PRDM1: variants seen among roughly 807,000 people sequenced by gnomAD.
PRDM1 encodes the protein PR/SET domain 1.
Under a neutral mutation model 62.8 loss-of-function variants are expected in PRDM1, and 13 were observed. That is an observed-to-expected ratio of 0.21 (90% CI 0.13 to 0.33). PRDM1 has a LOEUF of 0.33. Among genes scored for constraint, PRDM1 ranks in the 10% least tolerant of loss-of-function variants. PRDM1 has a pLI of 1.00. For missense variants in PRDM1, 895 were observed against 1,058.8 expected, an observed-to-expected ratio of 0.85 and a Z score of 2.15; for synonymous variants, 396 against 417.6, an observed-to-expected ratio of 0.95 and a Z score of 0.63.
intron 1 of PRDM1, among the ~76,000 whole-genome samples, chr6:106,060,294 A>G (rs1378450398): frequency 1.3e-5 from 2 of 152,196 alleles, no homozygotes; most frequent in Non-Finnish European, 2.9e-5. Context: ...CAAGAAGGAG[A>G]GCACGATTGT....
At chr6:106,050,072 C>T (rs917545913) in intron 1 of PRDM1, among the ~76,000 whole-genome samples, 11 of 152,148 alleles carry the variant, frequency 7.2e-5, no homozygotes, top group African/African-American at 2.7e-4. Flanking sequence ...AACTCCAATG[C>T]TGGTGTGATG....
chr6:106,010,919 G>T (rs9373826), intron 1 of PRDM1, among the ~76,000 whole-genome samples: 138,474 of 152,100 alleles, frequency 0.91, 63,155 homozygotes, highest in African/African-American at 0.96. Context: ...AGGACTACAG[G>T]TTTAAAAGAC....
intron 1 of PRDM1, among the ~76,000 whole-genome samples, chr6:106,039,017 A>G (rs1208850725): frequency 6.6e-6 from 1 of 152,212 alleles, no homozygotes; most frequent in East Asian, 1.9e-4. Context: ...TTTGAATAGA[A>G]CTTGTAAATT....
intron 1 of PRDM1, among the ~76,000 whole-genome samples, chr6:106,005,592 G>A (rs990750090): frequency 6.6e-6 from 1 of 152,138 alleles, no homozygotes; most frequent in South Asian, 2.1e-4. Context: ...GAAACTTTGG[G>A]TTTATAAAGC....
chr6:106,013,336 T>C (rs1458676302), intron 1 of PRDM1, among the ~76,000 whole-genome samples: 3 of 151,320 alleles, frequency 2.0e-5, no homozygotes, highest in Admixed American at 2.0e-4. Flanking sequence ...TTTTCTTTTT[T>C]TTTTTTTTTG....
intron 1 of PRDM1, among the ~76,000 whole-genome samples, chr6:106,000,442 C>T (rs909100999): frequency 1.3e-5 from 2 of 152,080 alleles, no homozygotes; most frequent in Non-Finnish European, 2.9e-5. Context: ...CTGGGCAACA[C>T]AGTGAGACTC....
intron 1 of PRDM1, among the ~76,000 whole-genome samples, chr6:106,068,509 T>G (rs184619525): frequency 6.6e-6 from 1 of 152,336 alleles, no homozygotes; most frequent in African/African-American, 2.4e-5. Flanking sequence ...TTATAGTATC[T>G]TGTAAACCAT....
intron 1 of PRDM1, among the ~76,000 whole-genome samples, chr6:106,061,926 A>G (rs1322772624): frequency 2.6e-5 from 4 of 152,196 alleles, no homozygotes; most frequent in Admixed American, 6.5e-5. Flanking sequence ...TATATTCAGG[A>G]GAGGATCTAT....
intron 1 of PRDM1, among the ~76,000 whole-genome samples, chr6:106,068,425 A>G (rs567193231): frequency 6.6e-6 from 1 of 152,324 alleles, no homozygotes; most frequent in East Asian, 1.9e-4. Flanking sequence ...AACTGTTCTC[A>G]GCTTCTTGTG....
Position 106,107,218 on chromosome 6 carries a change from A to C in PRDM1, c.2210A>C (p.Asp737Ala). 6.2e-7 allele frequency: 1 copy of C among 1,614,234 alleles called. No individual in the cohort carries two copies. Among genetic ancestry groups the C allele is most frequent in the Non-Finnish European group, 8.5e-7 (1 of 1,180,044 alleles). Reference sequence around the variant, plus strand: ...GAAATCGAGAAGTTTGACATCAGTGACAATGCTGACCGGCTCGAGGACGTG... The same window carrying C: ...GAAATCGAGAAGTTTGACATCAGTGCCAATGCTGACCGGCTCGAGGACGTG... ...NEEIEKFDIS[D>A]NADRLEDVED... The change falls in exon 7 of 7, where the codon GAC becomes GCC. Residue 737 changes from aspartate to alanine, a missense_variant. Physicochemically the swap from Asp to Ala is moderately radical, Grantham distance 126. Around this residue, in one of 4 missense-constraint regions of PRDM1, gnomAD observed 164 missense variants for 179.9 expected, o/e 0.91. Transcript: ENST00000369096.
At position 106,105,173 on chromosome 6, in the gene PRDM1, C is replaced by T; in HGVS notation, c.1013C>T (p.Ser338Phe). Residue 338 changes from serine (S) to phenylalanine (F), a missense_variant, in exon 5 of 7, where the codon TCT becomes TTT. Physicochemically the swap from Ser to Phe is radical, Grantham distance 155. This residue lies in a region of PRDM1 where 444 missense variants were observed against 422.7 expected (regional missense o/e 1.05). Transcript: ENST00000369096. ...PIPSSTTPSPSARSSPDQSLK... is the reference protein window; with the variant it reads ...PIPSSTTPSPFARSSPDQSLK... The stretch of plus-strand genomic sequence containing the variant: ...CCATCCTCCACCACTCCAAGCCCCT[C>T]TGCAAGAAGCAGCCCCGACCAAAGC... The T allele has an allele frequency of 6.2e-7, 1 of 1,613,298 alleles. No individual in the cohort carries two copies. Among genetic ancestry groups the T allele is most frequent in the Non-Finnish European group, 8.5e-7 (1 of 1,179,744 alleles).
intron 1 of PRDM1, among the ~76,000 whole-genome samples, chr6:106,014,686 A>G (rs1772597789): frequency 6.6e-6 from 1 of 150,698 alleles, no homozygotes; most frequent in African/African-American, 2.4e-5. Flanking sequence ...TTTATTTAAT[A>G]TTATAATACA....
rs144908037 is a variant in PRDM1 at position 106,035,661 on chromosome 6, G to A, written c.-67+42022G>A. On this transcript the variant is annotated intron_variant, in intron 1 of 6. Coordinates refer to the PRDM1 transcript ENST00000652320. Reference sequence around the variant, plus strand: ...AAAATTTAAAAAAAAAGACTATTTTGTCTAAAATTAGTATACCTACCCTGC... The same window carrying A: ...AAAATTTAAAAAAAAAGACTATTTTATCTAAAATTAGTATACCTACCCTGC... Among the ~76,000 whole-genome samples, 235 of 152,062 alleles carry A rather than the reference G, an allele frequency of 1.5e-3. 2 individuals carry two copies. In the Middle Eastern group the frequency reaches 0.017, roughly 11 times the overall value.
intron 1 of PRDM1, among the ~76,000 whole-genome samples, chr6:106,053,918 A>T (rs1041437519): frequency 1.3e-5 from 2 of 149,864 alleles, no homozygotes; most frequent in African/African-American, 4.9e-5. Flanking sequence ...GAGTGGTGAG[A>T]TCTTTTGAAT....
rs546376613 is a variant in PRDM1 at position 106,096,655 on chromosome 6, T to A, written c.411+921T>A. The stretch of plus-strand genomic sequence containing the variant: ...CAAGATGATAAGCTTTCCTATAGCA[T>A]CCAACCAAAAGATCTAGCCAGTACA... On this transcript the variant is annotated intron_variant, in intron 3 of 6. Transcript: ENST00000369096. Among the ~76,000 whole-genome samples, 49 of 152,338 alleles carry A rather than the reference T, an allele frequency of 3.2e-4. 1 individual carries two copies. Among genetic ancestry groups the A allele is most frequent in the Non-Finnish European group, 7.3e-5 (5 of 68,028 alleles).
rs1408530771 is a variant in PRDM1 at position 106,086,542 on chromosome 6, G to C, written c.-12G>C. The C allele has an allele frequency of 1.2e-5, 19 of 1,551,802 alleles. No individual in the cohort carries two copies. The highest frequency in any genetic ancestry group is 1.4e-5 in the Non-Finnish European group (16 of 1,146,664). ...ATGTGGACTGGGTAGAGATGAACGA[G>C]ACTTTTCTCAGATGTTGGATATTTG... On this transcript the variant is annotated 5_prime_UTR_variant, in exon 1 of 7. Transcript: ENST00000369096.
chr6:106,092,130 G>C (rs1436888785), intron 2 of PRDM1, among the ~76,000 whole-genome samples: 1 of 61,372 alleles, frequency 1.6e-5, no homozygotes, highest in Non-Finnish European at 3.5e-5. Context: ...GAAGGAATTT[G>C]AAAAAAAAAA....
Position 106,108,320 on chromosome 6 carries a change from C to A in PRDM1, c.*834C>A, listed in dbSNP as rs1050327876. The A allele has an allele frequency of 8.6e-6, 2 of 233,680 alleles. No homozygotes were observed. The highest frequency in any genetic ancestry group is 1.7e-5 in the Non-Finnish European group (2 of 117,996). The allele number at this position is 233,680 out of a possible 1,614,324, so 14.5% of individuals were successfully genotyped here. A position where few individuals can be genotyped will look rare whatever the true frequency, so the allele number is the denominator to read the frequency against. On this transcript the variant is annotated 3_prime_UTR_variant, in exon 7 of 7. Transcript: ENST00000369096. Reference sequence around the variant, plus strand: ...CAAAAGAGCAGAATCCTCCCACCGCCCTGCCCTCCCCACCGAGTCCTGTGG... The same window carrying A: ...CAAAAGAGCAGAATCCTCCCACCGCACTGCCCTCCCCACCGAGTCCTGTGG...
intron 1 of PRDM1, among the ~76,000 whole-genome samples, chr6:106,060,119 C>T (rs954216116): frequency 6.6e-6 from 1 of 152,068 alleles, no homozygotes; most frequent in Non-Finnish European, 1.5e-5. Context: ...TCAATCCAGA[C>T]AGTTATTTAA....
Sources: gnomAD v4.1 joint callset for allele counts (sites outside exome capture counted in the v4.1 genomes callset) on GRCh38, gnomAD v4.1.1 for gene constraint, gnomAD v4.1.1 regional missense constraint, MANE v1.5 for transcripts, NCBI Gene and HGNC (gene_info 2026-07-23, HGNC 2026-07-21) for gene names.